Variants in STS observed in about 807,000 individuals in gnomAD.
STS encodes the protein steryl-sulfatase.
STS carries 7 observed loss-of-function variants against 26.8 expected under a neutral mutation model. The observed-to-expected ratio is 0.26, with a 90% CI of 0.15 to 0.49. The LOEUF (loss-of-function observed/expected upper bound fraction) is 0.49, where lower values mean the gene tolerates loss of function less well. Ranked by LOEUF, STS falls within the 20% of genes least tolerant of loss-of-function variation. The pLI is 0.98. For missense variants in STS, 434 were observed against 465.6 expected (o/e 0.93, Z 0.63); for synonymous variants, 199 against 189.4 (o/e 1.05, Z -0.42).
In STS at chrX:7,352,105, G is replaced by A. The variant is rs145075261; in HGVS notation, c.*1844G>A. The A allele has an allele frequency of 1.0e-3, 111 of 111,365 alleles. No individual in the cohort carries two copies. Among genetic ancestry groups the A allele is most frequent in the African/African-American group, 3.4e-3 (104 of 30,674 alleles). 9.2% of individuals were successfully genotyped at this position (111,365 alleles called of 1,213,427 possible). The stretch of plus-strand genomic sequence containing the variant: ...GCTTTAGAAAACATTCTTAGAGAGG[G>A]TACTAGCTTACTGATGATGTGTTAG... On this transcript the variant is annotated 3_prime_UTR_variant, in exon 11 of 11. Coordinates refer to ENST00000674429, the MANE Select transcript of STS (RefSeq NM_001320752.2).
chrX:7,187,422 C>T (rs1402040599), intron 1 of STS, among the ~76,000 whole-genome samples: 1 of 111,793 alleles, frequency 8.9e-6, no homozygotes. Context: ...TGGACCTCAT[C>T]AGTCCTAGAC....
chrX:7,229,892 G>A (rs1277130498), intron 2 of STS, among the ~76,000 whole-genome samples: 1 of 107,919 alleles, frequency 9.3e-6, no homozygotes, highest in Admixed American at 9.9e-5. Context: ...TTGTCGGGGG[G>A]CGGGGGGACA....
chrX:7,228,084 G>A (rs1436295381), intron 2 of STS, among the ~76,000 whole-genome samples: 1 of 111,747 alleles, frequency 8.9e-6, no homozygotes, highest in Non-Finnish European at 1.9e-5. Flanking sequence ...TCCATTGTAT[G>A]TATAGACCAT....
chrX:7,331,050 C>A (rs1927719943), intron 9 of STS, among the ~76,000 whole-genome samples: 1 of 110,822 alleles, frequency 9.0e-6, no homozygotes, highest in Non-Finnish European at 1.9e-5. Context: ...TGTATCACCC[C>A]AAACCTTTTC....
At chrX:7,328,058 A>G (rs1927564893) in intron 9 of STS, among the ~76,000 whole-genome samples, 1 of 111,807 alleles carries the variant, frequency 8.9e-6, no homozygotes, top group Admixed American at 9.5e-5. Context: ...AGTGTCTCAG[A>G]AAGTTTTTCC....
At chrX:7,295,756 A>T (rs1342761866) in intron 7 of STS, among the ~76,000 whole-genome samples, 1 of 110,988 alleles carries the variant, frequency 9.0e-6, no homozygotes, top group African/African-American at 3.3e-5. Flanking sequence ...TTAGGAGGAT[A>T]TTGCAAAGAA....
intron 9 of STS, among the ~76,000 whole-genome samples, chrX:7,329,596 A>G (rs1927650883): frequency 8.9e-6 from 1 of 112,476 alleles, no homozygotes; most frequent in Non-Finnish European, 1.9e-5. Flanking sequence ...GCTCCCTGCT[A>G]GAGAGATATT....
intron 8 of STS, among the ~76,000 whole-genome samples, chrX:7,319,927 TTA>T (rs1263083743): frequency 2.3e-4 from 22 of 97,433 alleles, no homozygotes; most frequent in African/African-American, 7.4e-4. Context: ...TGCAACTATT[TTA>T]TATATATATA....
chrX:7,207,338 A>G lies in STS; in HGVS notation c.-5+16330A>G, dbSNP rs573934893. Among the ~76,000 whole-genome samples the G allele has an allele frequency of 7.4e-4, 83 of 112,484 alleles. 1 individual carries two copies. The highest frequency in any genetic ancestry group is 2.6e-3 in the African/African-American group (80 of 31,004). On this transcript the variant is annotated intron_variant, in intron 2 of 10. Transcript: ENST00000674429. ...TCCTCAAATCTCTTTTGCATTGCCGACATGAATTTGTTGGCATTGTCTTCA... is the reference window on the plus strand; with the variant it reads ...TCCTCAAATCTCTTTTGCATTGCCGGCATGAATTTGTTGGCATTGTCTTCA...
intron 1 of STS, among the ~76,000 whole-genome samples, chrX:7,155,118 A>G (rs1481647261): frequency 9.0e-6 from 1 of 111,722 alleles, no homozygotes; most frequent in East Asian, 2.8e-4. Context: ...ATTCACAGCC[A>G]TGTGTTCACT....
At chrX:7,333,195 C>T (rs944825500) in intron 9 of STS, among the ~76,000 whole-genome samples, 1 of 112,322 alleles carries the variant, frequency 8.9e-6, no homozygotes, top group Non-Finnish European at 1.9e-5. Flanking sequence ...AATTATCTGC[C>T]TCTCATTTTG....
In STS at chrX:7,183,487, C is replaced by T. The variant is rs144781717; in HGVS notation, c.-133-7393C>T. Among the ~76,000 whole-genome samples the T allele has an allele frequency of 8.1e-3, 904 of 112,148 alleles. 8 individuals are homozygous for T. The highest frequency in any genetic ancestry group is 0.026 in the African/African-American group (817 of 30,901). On this transcript the variant is annotated intron_variant, in intron 1 of 10. Transcript: ENST00000674429. ...CCAAGATCACACAAGTAATGACTCA[C>T]TGAACTAGAATTTGAGCCTCACTGT...
rs184971461 is a variant in STS at position 7,151,927 on chromosome X, G to A, written c.-134+3844G>A. Among the ~76,000 whole-genome samples the A allele has an allele frequency of 9.0e-5, 10 of 111,466 alleles. No individual in the cohort carries two copies. In the East Asian group the frequency reaches 2.6e-3, roughly 28 times the overall value. On this transcript the variant is annotated intron_variant, in intron 1 of 10. Transcript: ENST00000674429. ...TACTTCATTGTGGGGAGGGGGCTTAGGATTATTATTATTATCGTTATTTTA... is the reference window on the plus strand; with the variant it reads ...TACTTCATTGTGGGGAGGGGGCTTAAGATTATTATTATTATCGTTATTTTA...
intron 2 of STS, among the ~76,000 whole-genome samples, chrX:7,205,274 G>T (rs757782768): frequency 1.8e-5 from 2 of 112,397 alleles, no homozygotes; most frequent in Non-Finnish European, 3.8e-5. Flanking sequence ...GGAAGAGAAA[G>T]AATGGGAATG....
chrX:7,279,292 A>AAAAATAT (rs1477179869), intron 7 of STS, among the ~76,000 whole-genome samples: 2 of 62,779 alleles, frequency 3.2e-5, no homozygotes, highest in African/African-American at 1.2e-4. Context: ...AAAAAAAAAA[A>AAAAATAT]ATATATATAT....
chrX:7,205,097 A>G (rs1210690933), intron 2 of STS, among the ~76,000 whole-genome samples: 3 of 111,745 alleles, frequency 2.7e-5, no homozygotes, highest in Admixed American at 9.5e-5. Context: ...GGACAACGGA[A>G]GAAGAAATAT....
At chrX:7,300,126 G>A (rs1290907647) in intron 7 of STS, among the ~76,000 whole-genome samples, 2 of 111,854 alleles carry the variant, frequency 1.8e-5, no homozygotes, top group Admixed American at 9.5e-5. Flanking sequence ...GCATTTCCAA[G>A]GTTTCTTCTT....
intron 1 of STS, among the ~76,000 whole-genome samples, chrX:7,162,516 A>G (rs771416653): frequency 3.2e-4 from 35 of 109,785 alleles, no homozygotes; most frequent in African/African-American, 1.1e-3. Flanking sequence ...AGACTGGGAG[A>G]TTTTTAGTTT....
At chrX:7,204,778 C>G (rs890139347) in intron 2 of STS, among the ~76,000 whole-genome samples, 14 of 104,061 alleles carry the variant, frequency 1.3e-4, no homozygotes, top group Non-Finnish European at 2.4e-4. Context: ...CTTTCTCCCT[C>G]TTTCCTCCTA....
Sources: gnomAD v4.1 joint callset for allele counts (sites outside exome capture counted in the v4.1 genomes callset) on GRCh38, gnomAD v4.1.1 for gene constraint, MANE v1.5 for transcripts, NCBI Gene and HGNC (gene_info 2026-07-23, HGNC 2026-07-21) for gene names.